The following SDK1 variants were observed in gnomAD, a reference collection of about 807,000 sequenced individuals.
SDK1 encodes the protein sidekick cell adhesion molecule 1.
Under a neutral mutation model 245.5 loss-of-function variants are expected in SDK1, and 157 were observed. That is an observed-to-expected ratio of 0.64 (90% CI 0.56 to 0.73). The LOEUF (loss-of-function observed/expected upper bound fraction) is 0.73, where lower values mean the gene tolerates loss of function less well. SDK1 is among the 30% of genes least tolerant of loss of function. SDK1 has a pLI of 0.00. For missense variants in SDK1, 3,583 were observed against 3,002.3 expected, an observed-to-expected ratio of 1.19 and a Z score of -4.52; for synonymous variants, 1,647 against 1,278.5, an observed-to-expected ratio of 1.29 and a Z score of -6.15.
intron 13 of SDK1, among the ~76,000 whole-genome samples, chr7:3,980,647 A>G (rs531254554): frequency 3.3e-4 from 51 of 152,334 alleles, no homozygotes; most frequent in Non-Finnish European, 6.3e-4. Flanking sequence ...AAAACTTATC[A>G]TTTAAAGAAA....
intron 14 of SDK1, among the ~76,000 whole-genome samples, chr7:3,996,713 T>A (rs1283115125): frequency 6.6e-6 from 1 of 152,230 alleles, no homozygotes; most frequent in African/African-American, 2.4e-5. Context: ...ATATTCCATA[T>A]TCTTTTATTA....
chr7:3,935,136 C>G (rs546997530), intron 5 of SDK1, among the ~76,000 whole-genome samples: 1 of 152,176 alleles, frequency 6.6e-6, no homozygotes, highest in Non-Finnish European at 1.5e-5. Flanking sequence ...GCAAAAAGCC[C>G]TGGGCCTGTT....
chr7:3,957,148 C>T (rs183188214), intron 7 of SDK1, among the ~76,000 whole-genome samples: 3 of 152,124 alleles, frequency 2.0e-5, no homozygotes, highest in East Asian at 1.9e-4. Context: ...AAACAGAGAA[C>T]GGATTAGTGG....
At chr7:3,970,943 C>G (rs1782444820) in intron 11 of SDK1, among the ~76,000 whole-genome samples, 1 of 152,176 alleles carries the variant, frequency 6.6e-6, no homozygotes, top group Non-Finnish European at 1.5e-5. Context: ...CTGGGGGTCC[C>G]CATCCCGTAC....
At chr7:3,634,172 A>G (rs1782385594) in intron 2 of SDK1, among the ~76,000 whole-genome samples, 1 of 152,124 alleles carries the variant, frequency 6.6e-6, no homozygotes, top group Non-Finnish European at 1.5e-5. Context: ...AATTTGAGAT[A>G]AGCCCCATCT....
chr7:3,472,870 A>G (rs1391242245), intron 1 of SDK1, among the ~76,000 whole-genome samples: 1 of 152,164 alleles, frequency 6.6e-6, no homozygotes, highest in Non-Finnish European at 1.5e-5. Flanking sequence ...ACATGGGGTA[A>G]CAGTCAGGGG....
chr7:4,216,083 G>C (rs1231214756), intron 38 of SDK1, among the ~76,000 whole-genome samples: 1 of 152,186 alleles, frequency 6.6e-6, no homozygotes, highest in African/African-American at 2.4e-5. Context: ...ACTCATCCTG[G>C]CAGCTGCTCT....
chr7:4,018,959 G>C (rs1786652770), intron 17 of SDK1, among the ~76,000 whole-genome samples: 1 of 152,210 alleles, frequency 6.6e-6, no homozygotes, highest in Non-Finnish European at 1.5e-5. Context: ...AGATAGGGAT[G>C]TAAGTTTAGG....
chr7:3,562,151 G>A (rs143636591), intron 1 of SDK1, among the ~76,000 whole-genome samples: 107 of 152,208 alleles, frequency 7.0e-4, no homozygotes, highest in Non-Finnish European at 1.2e-3. Flanking sequence ...TGGATGTTTC[G>A]GAAACTGCAT....
chr7:3,806,221 T>C (rs189274120), intron 4 of SDK1, among the ~76,000 whole-genome samples: 4 of 152,378 alleles, frequency 2.6e-5, no homozygotes, highest in African/African-American at 9.6e-5. Context: ...TTCCCATCTT[T>C]AGATCCTTAA....
chr7:3,376,429 G>A (rs773984647), intron 1 of SDK1, among the ~76,000 whole-genome samples: 1 of 151,704 alleles, frequency 6.6e-6, no homozygotes, highest in Non-Finnish European at 1.5e-5. Flanking sequence ...GCAGTGTCTC[G>A]GAGAACTCTT....
intron 1 of SDK1, among the ~76,000 whole-genome samples, chr7:3,342,459 A>G (rs1474146758): frequency 1.3e-5 from 2 of 152,062 alleles, no homozygotes; most frequent in African/African-American, 2.4e-5. Flanking sequence ...GTGGTGGCAC[A>G]TGCCTGTAAT....
rs79693241 is a variant in SDK1 at position 4,001,157 on chromosome 7, C to G, written c.2132-9809C>G. Among the ~76,000 whole-genome samples the G allele has an allele frequency of 1.3e-3, 193 of 152,290 alleles. 1 individual carries two copies. Among genetic ancestry groups the G allele is most frequent in the African/African-American group, 4.4e-3 (183 of 41,562 alleles). On this transcript the variant is annotated intron_variant, in intron 14 of 44. Coordinates refer to ENST00000404826, the MANE Select transcript of SDK1 (RefSeq NM_152744.4). ...CCGCACGGTGCGGAATACAGCGTGG[C>G]TCCCATAGCTTGAGCTCCAGGAGGT...
intron 2 of SDK1, among the ~76,000 whole-genome samples, chr7:3,622,078 A>G (rs537210711): frequency 1.3e-5 from 2 of 152,214 alleles, no homozygotes; most frequent in African/African-American, 2.4e-5. Context: ...CGTGGTGTCT[A>G]TGAGGGTAGG....
intron 1 of SDK1, among the ~76,000 whole-genome samples, chr7:3,582,914 G>T (rs1211356115): frequency 6.6e-6 from 1 of 152,160 alleles, no homozygotes; most frequent in Admixed American, 6.5e-5. Context: ...GAAGAGAAGT[G>T]TGTGTAGGAA....
chr7:4,162,558 C>G (rs1456872302), intron 32 of SDK1, among the ~76,000 whole-genome samples: 1 of 152,002 alleles, frequency 6.6e-6, no homozygotes, highest in Non-Finnish European at 1.5e-5. Flanking sequence ...TGCCCCTACA[C>G]CCAACTAACT....
rs976367574 is a variant in SDK1 at position 3,631,619 on chromosome 7, G to A, written c.459-7385G>A. ...TCTCCCCACAAAGTTGAGTGTTTTTGTATTTCTGGCTTCAGTTTGACTGCT... is the reference window on the plus strand; with the variant it reads ...TCTCCCCACAAAGTTGAGTGTTTTTATATTTCTGGCTTCAGTTTGACTGCT... On this transcript the variant is annotated intron_variant, in intron 2 of 44. Coordinates refer to ENST00000404826, the MANE Select transcript of SDK1 (RefSeq NM_152744.4). Among the ~76,000 whole-genome samples the A allele has an allele frequency of 5.3e-5, 8 of 152,302 alleles. No homozygotes were observed. In the East Asian group the frequency reaches 1.4e-3, roughly 26 times the overall value.
At chr7:3,651,130 G>GTTTTTTT (rs35272140) in intron 4 of SDK1, among the ~76,000 whole-genome samples, 1 of 142,164 alleles carries the variant, frequency 7.0e-6, no homozygotes. Context: ...TTTAGTTTTA[G>GTTTTTTT]TTTTTTTTTT....
At chr7:3,601,714 A>C (rs1331247999) in intron 1 of SDK1, among the ~76,000 whole-genome samples, 1 of 151,768 alleles carries the variant, frequency 6.6e-6, no homozygotes, top group Non-Finnish European at 1.5e-5. Flanking sequence ...TTTAGGGTAC[A>C]TGTGCACAAC....
Sources: gnomAD v4.1 joint callset for allele counts (sites outside exome capture counted in the v4.1 genomes callset) on GRCh38, gnomAD v4.1.1 for gene constraint, MANE v1.5 for transcripts, NCBI Gene and HGNC (gene_info 2026-07-23, HGNC 2026-07-21) for gene names.